CSNK2A2: variants seen among roughly 807,000 people sequenced by gnomAD.
CSNK2A2 encodes the protein casein kinase 2 alpha 2.
CSNK2A2 carries 8 observed loss-of-function variants against 54.0 expected under a neutral mutation model. The observed-to-expected ratio is 0.15, with a 90% CI of 0.09 to 0.27. CSNK2A2 has a LOEUF of 0.27. Among genes scored for constraint, CSNK2A2 ranks in the 10% least tolerant of loss-of-function variants. The pLI is 1.00. For missense variants in CSNK2A2, 242 were observed against 439.4 expected (o/e 0.55, Z 4.02); for synonymous variants, 141 against 153.9 (o/e 0.92, Z 0.62).
chr16:58,168,610 C>A lies in CSNK2A2; in HGVS notation c.513G>T (p.Lys171Asn). Residue 171 changes from lysine to asparagine, a missense_variant and splice_region_variant, in exon 6 of 12, where the codon AAG becomes AAT. Transcript: ENST00000262506. ...HNVMIDHQQK[K>N]LRLIDWGLAE... ...TGTTGCTGCCTGGCTGTAATGGTAC[C>A]TTTTTCTGTTGGTGATCTATCATGA... 1.9e-6 allele frequency: 3 copies of A among 1,613,232 alleles called. No individual in the cohort carries two copies. In the South Asian group the frequency reaches 3.3e-5, roughly 18 times the overall value.
At chr16:58,181,291 G>C (rs1962033845) in intron 4 of CSNK2A2, among the ~76,000 whole-genome samples, 1 of 152,198 alleles carries the variant, frequency 6.6e-6, no homozygotes. Context: ...CAGGACGGGG[G>C]ACCTCCAATG....
At chr16:58,189,102 G>C (rs1157177820) in intron 2 of CSNK2A2, among the ~76,000 whole-genome samples, 3 of 151,880 alleles carry the variant, frequency 2.0e-5, no homozygotes, top group African/African-American at 4.8e-5. Context: ...GACTACAGGT[G>C]TGTGCCACCA....
rs1337298253 is a variant in CSNK2A2, at chr16:58,197,740, G to A, written c.-4C>T. The A allele has an allele frequency of 5.2e-6, 7 of 1,336,288 alleles. No homozygotes were observed. Among genetic ancestry groups the A allele is most frequent in the Non-Finnish European group, 5.8e-6 (6 of 1,028,264 alleles). The allele number at this position is 1,336,288 out of a possible 1,614,324, so 82.8% of individuals were successfully genotyped here. ...TGCCCGCGGCCGGGCCGGGCATGGC[G>A]GGCGGGACCGGGGGGCGGCGCGGGG... On this transcript the variant is annotated 5_prime_UTR_variant, in exon 1 of 12. Transcript: ENST00000262506. This position sits in a 1 kb window ranked among gnomAD's most constrained non-coding sequence, Gnocchi z 4.0.
intron 5 of CSNK2A2, among the ~76,000 whole-genome samples, chr16:58,171,980 T>TATATATATATATATATATATATA (rs1555505772): frequency 8.1e-5 from 3 of 37,076 alleles, no homozygotes; most frequent in African/African-American, 3.3e-4. Context: ...TATATATATA[T>TATATATATATATATATATATATA]TTTTTTTTTT....
intron 4 of CSNK2A2, among the ~76,000 whole-genome samples, chr16:58,178,615 T>C (rs1191830924): frequency 6.6e-6 from 1 of 152,172 alleles, no homozygotes; most frequent in African/African-American, 2.4e-5. Context: ...GTTGCTACAA[T>C]TATTCAGTCC....
At chr16:58,183,629 T>C (rs548871888) in intron 4 of CSNK2A2, among the ~76,000 whole-genome samples, 3 of 152,308 alleles carry the variant, frequency 2.0e-5, no homozygotes, top group African/African-American at 7.2e-5. Flanking sequence ...TTCCACCATG[T>C]CTAGTATGCC....
intron 6 of CSNK2A2, 136 bp downstream of exon 6, chr16:58,168,474 A>T: frequency 1.6e-6 from 1 of 622,702 alleles, no homozygotes; most frequent in Non-Finnish European, 2.9e-6. Context: ...AACAATGGAG[A>T]TGGGAGAAAT....
rs575365582 is a variant in CSNK2A2 at position 58,177,251 on chromosome 16, A to G, written c.370-2741T>C. On this transcript the variant is annotated intron_variant, in intron 4 of 11. Coordinates refer to ENST00000262506, the MANE Select transcript of CSNK2A2 (RefSeq NM_001896.4). ...CAAGAAACAGAAGTACCAAGAGTCC[A>G]TGACACATTAGAAAGAGAAACGTCA... 8.5e-5 allele frequency among the ~76,000 whole-genome samples: 13 copies of G among 152,370 alleles called. No homozygotes were observed. In the East Asian group the frequency reaches 1.9e-3, roughly 23 times the overall value.
intron 5 of CSNK2A2, among the ~76,000 whole-genome samples, chr16:58,171,543 A>G (rs1365676547): frequency 2.6e-5 from 4 of 152,006 alleles, no homozygotes; most frequent in Non-Finnish European, 5.9e-5. Context: ...TTGAAGATCA[A>G]GAACAGGCAC....
Position 58,197,730 on chromosome 16 carries a change from C to T in CSNK2A2, c.7G>A (p.Gly3Ser). Residue 3 changes from glycine (G) to serine (S), a missense_variant, in exon 1 of 12, where the codon GGC becomes AGC. Physicochemically the swap from Gly to Ser is moderately conservative, Grantham distance 56 (BLOSUM62 0). Around this residue, in one of 5 missense-constraint regions of CSNK2A2, gnomAD observed 48 missense variants for 55.4 expected, o/e 0.87. Transcript: ENST00000262506. This position sits in a 1 kb window ranked among gnomAD's most constrained non-coding sequence, Gnocchi z 4.0. The part of the protein sequence containing the change: MP[G>S]PAAGSRARVY... ...CGGGCCCTGCTGCCCGCGGCCGGGC[C>T]GGGCATGGCGGGCGGGACCGGGGGG... 2.8e-6 allele frequency: 4 copies of T among 1,415,980 alleles called. No homozygotes were observed. The highest frequency in any genetic ancestry group is 3.7e-6 in the Non-Finnish European group (4 of 1,074,922). The allele number at this position is 1,415,980 out of a possible 1,614,324, so 87.7% of individuals were successfully genotyped here.
At chr16:58,171,977 ATATTTTT>A (rs1436213495) in intron 5 of CSNK2A2, among the ~76,000 whole-genome samples, 33 of 34,306 alleles carry the variant, frequency 9.6e-4, no homozygotes, top group Non-Finnish European at 1.3e-3. Context: ...ATATATATAT[ATATTTTT>A]TTTTTTTTTT....
At chr16:58,168,204 G>A (rs915424085) in intron 6 of CSNK2A2, among the ~76,000 whole-genome samples, 5 of 152,024 alleles carry the variant, frequency 3.3e-5, no homozygotes, top group African/African-American at 4.8e-5. Context: ...TGATTTATTC[G>A]TCTAATACTA....
At chr16:58,161,526 G>GAC (rs1164766819) in intron 11 of CSNK2A2, 3 of 107,500 alleles carry the variant, frequency 2.8e-5, no homozygotes, top group African/African-American at 6.8e-5. Flanking sequence ...TAGACACACA[G>GAC]ACACACACAC....
intron 3 of CSNK2A2, 75 bp downstream of exon 3, chr16:58,186,679 AG>A: frequency 1.0e-6 from 1 of 974,466 alleles, no homozygotes; most frequent in Non-Finnish European, 1.6e-6. Context: ...TCATTACGTG[AG>A]GTTCTGTGTG....
At chr16:58,172,229 C>T (rs991402680) in intron 5 of CSNK2A2, among the ~76,000 whole-genome samples, 1 of 150,500 alleles carries the variant, frequency 6.6e-6, no homozygotes, top group Non-Finnish European at 1.5e-5. Flanking sequence ...GAGAGTTTTA[C>T]ATACACAAAC....
At chr16:58,167,942 A>C in intron 6 of CSNK2A2, 147 bp from the exon 7 acceptor site, 2 of 652,252 alleles carry the variant, frequency 3.1e-6, no homozygotes, top group Admixed American at 2.6e-5. Flanking sequence ...CATTTTCAGC[A>C]ATCGTGCAAG....
At chr16:58,194,008 G>T (rs558245999) in intron 2 of CSNK2A2, among the ~76,000 whole-genome samples, 1 of 152,262 alleles carries the variant, frequency 6.6e-6, no homozygotes, top group African/African-American at 2.4e-5. Flanking sequence ...CAAATTAAAT[G>T]ATATAAAATT....
intron 2 of CSNK2A2, among the ~76,000 whole-genome samples, chr16:58,189,147 C>T (rs1162324628): frequency 2.6e-5 from 4 of 151,844 alleles, no homozygotes; most frequent in South Asian, 2.1e-4. Context: ...TTAGTAGAGA[C>T]GGGGTCTCAC....
In CSNK2A2 at chr16:58,197,263, A is replaced by G. The variant is rs1016078003; in HGVS notation, c.104+370T>C. ...CCACCACCTCATCTCAGAAAACCTAAAAGGCAGGGCATTTTAATAGCTCCA... is the reference window on the plus strand; with the variant it reads ...CCACCACCTCATCTCAGAAAACCTAGAAGGCAGGGCATTTTAATAGCTCCA... On this transcript the variant is annotated intron_variant, in intron 1 of 11. Transcript: ENST00000262506. The surrounding 1 kb of genome is among the most constrained non-coding windows in gnomAD (Gnocchi z 4.0). The G allele has an allele frequency of 3.6e-6, 1 of 278,956 alleles. No homozygotes were observed. The highest frequency in any genetic ancestry group is 2.2e-5 in the African/African-American group (1 of 46,074). 17.3% of individuals were successfully genotyped at this position (278,956 alleles called of 1,614,324 possible).
Sources: allele counts gnomAD v4.1 joint callset (sites outside exome capture counted in the v4.1 genomes callset), GRCh38; gene constraint gnomAD v4.1.1; regional missense constraint gnomAD v4.1.1; non-coding constraint Gnocchi (gnomAD v3.1); transcripts MANE v1.5; gene names NCBI Gene and HGNC (gene_info 2026-07-23, HGNC 2026-07-21).